GRM8: variants seen among roughly 807,000 people sequenced by gnomAD.
GRM8 encodes the protein glutamate metabotropic receptor 8.
Under a neutral mutation model 87.2 loss-of-function variants are expected in GRM8, and 47 were observed. The observed-to-expected ratio is 0.54, with a 90% confidence interval of 0.43 to 0.69. The LOEUF is 0.69. Ranked by LOEUF, GRM8 falls within the 30% of genes least tolerant of loss-of-function variation. GRM8 has a pLI of 0.00. For missense variants in GRM8, 1,019 were observed against 1,139.2 expected (o/e 0.89, Z 1.52); for synonymous variants, 396 against 404.5 (o/e 0.98, Z 0.25).
intron 8 of GRM8, among the ~76,000 whole-genome samples, chr7:126,599,484 G>A (rs1209749154): frequency 6.6e-6 from 1 of 152,072 alleles, no homozygotes; most frequent in Non-Finnish European, 1.5e-5. Flanking sequence ...CATTTAGTAA[G>A]TCCCATATTA....
intron 6 of GRM8, among the ~76,000 whole-genome samples, chr7:126,801,836 G>A (rs887332425): frequency 1.5e-4 from 23 of 152,156 alleles, no homozygotes; most frequent in African/African-American, 5.5e-4. Context: ...CCTTTGCTTC[G>A]AGTCAGATTT....
intron 7 of GRM8, among the ~76,000 whole-genome samples, chr7:126,690,745 C>CT (rs1808714751): frequency 6.6e-6 from 1 of 152,164 alleles, no homozygotes; most frequent in Non-Finnish European, 1.5e-5. Context: ...GGGTGCTTTA[C>CT]TAAACAACTC....
intron 8 of GRM8, among the ~76,000 whole-genome samples, chr7:126,588,126 A>G (rs1796337840): frequency 6.6e-6 from 1 of 152,206 alleles, no homozygotes; most frequent in African/African-American, 2.4e-5. Flanking sequence ...ATGTAAAAAA[A>G]CATATGTACC....
At chr7:126,524,153 A>G (rs1304027712) in intron 9 of GRM8, among the ~76,000 whole-genome samples, 1 of 152,176 alleles carries the variant, frequency 6.6e-6, no homozygotes, top group Non-Finnish European at 1.5e-5. Flanking sequence ...GGTCTAATAT[A>G]TCCTTTCTCG....
intron 3 of GRM8, among the ~76,000 whole-genome samples, chr7:127,087,791 G>T (rs1023756613): frequency 6.6e-6 from 1 of 152,062 alleles, no homozygotes; most frequent in African/African-American, 2.4e-5. Flanking sequence ...AAAAAATGAA[G>T]AATCTAAAAA....
chr7:127,244,728 T>C (rs1451113622), intron 1 of GRM8, among the ~76,000 whole-genome samples: 1 of 152,190 alleles, frequency 6.6e-6, no homozygotes, highest in Admixed American at 6.5e-5. Context: ...TTATCCTTCT[T>C]GCCCCGAAAG....
At chr7:127,210,715 AC>A (rs533619215) in intron 2 of GRM8, among the ~76,000 whole-genome samples, 220 of 152,294 alleles carry the variant, frequency 1.4e-3, no homozygotes, top group African/African-American at 5.1e-3. Context: ...CTTCACCACC[AC>A]CAGTACTCAG....
At chr7:126,514,152 T>C (rs983855975) in intron 9 of GRM8, among the ~76,000 whole-genome samples, 1 of 152,166 alleles carries the variant, frequency 6.6e-6, no homozygotes, top group African/African-American at 2.4e-5. Flanking sequence ...GAGCATTTAG[T>C]GACTTAAATA....
Position 126,946,333 on chromosome 7 carries a change from C to A in GRM8, c.728-41650G>T, listed in dbSNP as rs17864082. ...CTTGAGCAACATAGTGAGACCCCCC[C>A]ATCTCTACAAAATATTACAAATGTA... is the stretch of plus-strand genomic sequence containing the variant. On this transcript the variant is annotated intron_variant, in intron 3 of 10. Coordinates refer to ENST00000339582, the MANE Select transcript of GRM8 (RefSeq NM_000845.3). Among the ~76,000 whole-genome samples, 1,438 of 152,268 alleles carry A rather than the reference C, an allele frequency of 9.4e-3. 8 individuals are homozygous for A. Among genetic ancestry groups the A allele is most frequent in the Middle Eastern group, 0.014 (4 of 294 alleles).
intron 6 of GRM8, among the ~76,000 whole-genome samples, chr7:126,837,211 G>A (rs1471027557): frequency 6.6e-6 from 1 of 152,050 alleles, no homozygotes; most frequent in Non-Finnish European, 1.5e-5. Flanking sequence ...TATAGACAAT[G>A]AATAACAATG....
At chr7:126,916,339 A>G (rs898037413) in intron 3 of GRM8, among the ~76,000 whole-genome samples, 1 of 152,214 alleles carries the variant, frequency 6.6e-6, no homozygotes, top group African/African-American at 2.4e-5. Flanking sequence ...GATGTGTGAC[A>G]AATACGTGAA....
chr7:127,002,557 C>T (rs914263020), intron 3 of GRM8, among the ~76,000 whole-genome samples: 3 of 151,606 alleles, frequency 2.0e-5, no homozygotes, highest in Admixed American at 6.6e-5. Context: ...TTTAGGAAAC[C>T]TCTGCCATGG....
intron 6 of GRM8, among the ~76,000 whole-genome samples, chr7:126,793,214 T>C (rs963069104): frequency 6.6e-6 from 1 of 152,182 alleles, no homozygotes; most frequent in African/African-American, 2.4e-5. Flanking sequence ...TCCTTTCTGA[T>C]CAATACTTTA....
At chr7:126,911,177 TATCAAAC>T (rs1301542886) in intron 3 of GRM8, among the ~76,000 whole-genome samples, 1 of 152,210 alleles carries the variant, frequency 6.6e-6, no homozygotes, top group Admixed American at 6.5e-5. Context: ...TGTGTAATAT[TATCAAAC>T]ATCCTAAATT....
intron 7 of GRM8, among the ~76,000 whole-genome samples, chr7:126,684,250 G>C (rs1310044758): frequency 6.6e-6 from 1 of 152,218 alleles, no homozygotes; most frequent in Non-Finnish European, 1.5e-5. Context: ...AGTCACAGCA[G>C]ACTGGGGCTG....
intron 8 of GRM8, among the ~76,000 whole-genome samples, chr7:126,590,403 G>C (rs531760594): frequency 2.1e-4 from 32 of 152,076 alleles, no homozygotes; most frequent in Non-Finnish European, 4.4e-4. Flanking sequence ...CCAAACCTAA[G>C]AATAATTGGT....
At chr7:126,949,119 T>A (rs1253164257) in intron 3 of GRM8, among the ~76,000 whole-genome samples, 2 of 152,216 alleles carry the variant, frequency 1.3e-5, no homozygotes, top group Non-Finnish European at 2.9e-5. Context: ...TAATTATATT[T>A]CATCTGTGCA....
intron 8 of GRM8, among the ~76,000 whole-genome samples, chr7:126,588,832 G>A (rs934540312): frequency 6.6e-6 from 1 of 152,238 alleles, no homozygotes; most frequent in East Asian, 1.9e-4. Flanking sequence ...GTGGGAAAGG[G>A]TGAACACACA....
At chr7:126,967,791 A>G (rs1458353206) in intron 3 of GRM8, among the ~76,000 whole-genome samples, 1 of 152,226 alleles carries the variant, frequency 6.6e-6, no homozygotes, top group Non-Finnish European at 1.5e-5. Flanking sequence ...AAATTCATAT[A>G]CAGTCCTAAT....
Sources: allele counts gnomAD v4.1 joint callset (sites outside exome capture counted in the v4.1 genomes callset), GRCh38; gene constraint gnomAD v4.1.1; transcripts MANE v1.5; gene names NCBI Gene and HGNC (gene_info 2026-07-23, HGNC 2026-07-21).